The following ITFG2 variants were observed in gnomAD, a reference collection of about 807,000 sequenced individuals.
The protein encoded by ITFG2 is integrin alpha FG-GAP repeat containing 2.
ITFG2 carries 36 observed loss-of-function variants against 54.4 expected under a neutral mutation model. The ratio of observed to expected loss-of-function variants is 0.66; its 90% CI spans 0.51 to 0.87. The LOEUF (loss-of-function observed/expected upper bound fraction) is 0.87, where lower values mean the gene tolerates loss of function less well. ITFG2 is among the 40% of genes least tolerant of loss of function. The probability of loss-of-function intolerance (pLI) is 0.00; values close to 1 mark genes in which losing one functional copy is unlikely to be tolerated. For synonymous variants in ITFG2, 211 were observed against 225.4 expected (o/e 0.94, Z 0.57); for missense variants, 524 against 576.7 (o/e 0.91, Z 0.94).
At chr12:2,842,084 TAAC>T (rs202114724) in intron 2 of ITFG2, among the ~76,000 whole-genome samples, 3,966 of 148,460 alleles carry the variant, frequency 0.027, 178 homozygotes, top group African/African-American at 0.092. Flanking sequence ...ATAATAATAA[TAAC>T]AATGTAATAA....
At chr12:2,838,709 C>T (rs1336945027) in intron 1 of ITFG2, among the ~76,000 whole-genome samples, 1 of 152,192 alleles carries the variant, frequency 6.6e-6, no homozygotes, top group Non-Finnish European at 1.5e-5. Flanking sequence ...CATCTTGGGG[C>T]AGACTCCGCA....
chr12:2,815,983 G>A (rs1272566615), intron 1 of ITFG2, among the ~76,000 whole-genome samples: 1 of 151,654 alleles, frequency 6.6e-6, no homozygotes, highest in African/African-American at 2.4e-5. Context: ...TCCTTCCTCA[G>A]CCTCCTGAGT....
chr12:2,846,194 T>A (rs1603486212), intron 2 of ITFG2, among the ~76,000 whole-genome samples: 1 of 151,790 alleles, frequency 6.6e-6, no homozygotes, highest in Non-Finnish European at 1.5e-5. Flanking sequence ...GGCTGGAAGG[T>A]GGTGGGGCGG....
rs527710249 is a variant in ITFG2, at chr12:2,816,278, G to A, written c.97-945G>A. 2.5e-4 allele frequency among the ~76,000 whole-genome samples: 37 copies of A among 150,244 alleles called. No homozygotes were observed. In the South Asian group the frequency reaches 6.6e-3, roughly 27 times the overall value. The stretch of plus-strand genomic sequence containing the variant: ...ACTCCTGACCTCATGTGATCCACCC[G>A]CCTCGGCCTCCCAAAGTGCTGGGAT... On this transcript the variant is annotated intron_variant, in intron 1 of 11. Coordinates refer to ENST00000228799, the MANE Select transcript of ITFG2 (RefSeq NM_018463.4).
downstream of ITFG2, chr12:2,827,401 C>T (rs1308783609): frequency 6.6e-7 from 1 of 1,522,952 alleles, no homozygotes; most frequent in South Asian, 1.3e-5. This position sits in a 1 kb window ranked among gnomAD's most constrained non-coding sequence, Gnocchi z 4.0. Context: ...CTTCCACCTG[C>T]CTTTTGCTCT....
intron 4 of ITFG2, among the ~76,000 whole-genome samples, chr12:2,819,447 G>A (rs1346947322): frequency 1.3e-5 from 2 of 151,668 alleles, no homozygotes; most frequent in Non-Finnish European, 2.9e-5. Context: ...CAGCCTAGGC[G>A]AGAGAGCGAG....
chr12:2,835,156 CGTATGTGT>C (rs1241571513), upstream of ITFG2: 2 of 1,299,528 alleles, frequency 1.5e-6, no homozygotes, highest in African/African-American at 2.2e-5. Context: ...GTGGATGGGG[CGTATGTGT>C]GTGTGTGTGT....
Position 2,820,148 on chromosome 12 carries a change from T to G in ITFG2, c.469T>G (p.Trp157Gly). 1 of 1,613,958 alleles carries G rather than the reference T, an allele frequency of 6.2e-7. No individual in the cohort carries two copies. The highest frequency in any genetic ancestry group is 8.5e-7 in the Non-Finnish European group (1 of 1,179,928). The change falls in exon 5 of 12, where the codon TGG (tryptophan) becomes GGG (glycine). Residue 157 changes from tryptophan to glycine, a missense_variant. Physicochemically the swap from Trp to Gly is radical, Grantham distance 184 (BLOSUM62 -2). Coordinates refer to ENST00000228799, the MANE Select transcript of ITFG2 (RefSeq NM_018463.4). ...YTDRVVRAFR[W>G]EELGEGPEHL... Reference sequence around the variant, plus strand: ...AGACCGTGTGGTGCGAGCTTTCCGCTGGGAGGAGCTAGGTGAGGGTCCTGA... The same window carrying G: ...AGACCGTGTGGTGCGAGCTTTCCGCGGGGAGGAGCTAGGTGAGGGTCCTGA...
intron 3 of ITFG2, chr12:2,858,574 GTGCACTGAGCCTTGGAGTGCCCGGGA>G: frequency 7.1e-7 from 1 of 1,411,874 alleles, no homozygotes; most frequent in Non-Finnish European, 9.8e-7. Context: ...GAGGCTTGGG[GTGCACTGAGCCTTGGAGTGCCCGGGA>G]TGGTGGACAG....
upstream of ITFG2, among the ~76,000 whole-genome samples, chr12:2,832,591 C>T (rs561065482): frequency 3.9e-5 from 6 of 152,058 alleles, no homozygotes; most frequent in South Asian, 1.2e-3. Flanking sequence ...GTTCTTCATG[C>T]TCCTCTCTCC....
intron 2 of ITFG2, chr12:2,857,444 C>T: frequency 4.2e-6 from 1 of 235,660 alleles, no homozygotes. Flanking sequence ...TCCAAAGGTC[C>T]CAAGGAACAA....
At chr12:2,838,899 G>A (rs1461536222) in intron 1 of ITFG2, among the ~76,000 whole-genome samples, 2 of 152,170 alleles carry the variant, frequency 1.3e-5, no homozygotes, top group Admixed American at 6.5e-5. Context: ...AGTGAAGAAT[G>A]TGGGGAGTGT....
chr12:2,844,628 A>G (rs143108654), intron 2 of ITFG2, among the ~76,000 whole-genome samples: 75 of 152,310 alleles, frequency 4.9e-4, no homozygotes, highest in African/African-American at 1.6e-3. Flanking sequence ...TGGAAATCAT[A>G]CAGGACCTAC....
chr12:2,854,990 A>G (rs1289579463), intron 2 of ITFG2: 2 of 1,535,428 alleles, frequency 1.3e-6, no homozygotes, highest in Non-Finnish European at 1.7e-6. Flanking sequence ...ACCTCCTTCA[A>G]CTCCTTCACT....
intron 2 of ITFG2, among the ~76,000 whole-genome samples, chr12:2,853,016 C>A (rs1408363360): frequency 2.7e-5 from 4 of 149,558 alleles, no homozygotes; most frequent in East Asian, 4.0e-4. Context: ...AAAGAAACAA[C>A]AAAAAAAAAC....
At position 2,819,950 on chromosome 12, in the gene ITFG2, G is replaced by A; in HGVS notation, c.407-136G>A. On this transcript the variant is annotated intron_variant, in intron 4 of 11. Transcript: ENST00000228799. ...GATGCCGCAAACACAGGCAGGGGCG[G>A]GGGCAGACTGAGGGTGAAGTGAGTA... 5.3e-6 allele frequency: 6 copies of A among 1,126,462 alleles called. No individual in the cohort carries two copies. The South Asian group carries it at 9.1e-5, about 17-fold the overall frequency. The allele number at this position is 1,126,462 out of a possible 1,614,324, so 69.8% of individuals were successfully genotyped here.
At chr12:2,812,917 T>A in intron 1 of ITFG2, 61 bp downstream of exon 1, 1 of 1,407,704 alleles carries the variant, frequency 7.1e-7, no homozygotes, top group Non-Finnish European at 9.9e-7. Context: ...GCAAGGGAAG[T>A]GGAAGAGGCC....
intron 2 of ITFG2, chr12:2,830,445 G>A (rs1248622358): frequency 1.0e-5 from 4 of 396,374 alleles, no homozygotes; most frequent in Non-Finnish European, 1.8e-5. Flanking sequence ...AGCACACTGA[G>A]GAGTACTTAC....
At chr12:2,835,801 C>T (rs1208698119), upstream of ITFG2, among the ~76,000 whole-genome samples, 1 of 152,192 alleles carries the variant, frequency 6.6e-6, no homozygotes. Flanking sequence ...GTTTATCAGG[C>T]CCAGACTTCT....
Sources: gnomAD v4.1 joint callset for allele counts (sites outside exome capture counted in the v4.1 genomes callset) on GRCh38, gnomAD v4.1.1 for gene constraint, Gnocchi (gnomAD v3.1) non-coding constraint, MANE v1.5 for transcripts, NCBI Gene and HGNC (gene_info 2026-07-23, HGNC 2026-07-21) for gene names.